Variants in RPS6KC1 observed in about 807,000 individuals in gnomAD.
RPS6KC1 encodes the protein ribosomal protein S6 kinase C1, also known as inactive ribosomal protein S6 kinase delta-1.
In RPS6KC1, 54 loss-of-function variants were observed where a neutral mutation model predicts 103.8. The observed-to-expected ratio is 0.52, with a 90% CI of 0.42 to 0.65. The LOEUF (loss-of-function observed/expected upper bound fraction) is 0.65, where lower values mean the gene tolerates loss of function less well. Ranked by LOEUF, RPS6KC1 falls within the 30% of genes least tolerant of loss-of-function variation. The pLI is 0.00. For missense variants in RPS6KC1, 1,151 were observed against 1,253.8 expected (o/e 0.92, Z 1.24); for synonymous variants, 439 against 438.7 (o/e 1.00, Z -0.01).
At chr1:213,451,178 T>G in the RPS6KC1 span, among the ~76,000 whole-genome samples, 1 of 152,208 alleles carries the variant, frequency 6.6e-6, no homozygotes, top group Non-Finnish European at 1.5e-5. Flanking sequence ...AGAAAACAGT[T>G]GTCACATTTC....
the RPS6KC1 span, among the ~76,000 whole-genome samples, chr1:213,721,689 C>T: frequency 6.6e-6 from 1 of 152,198 alleles, no homozygotes; most frequent in Admixed American, 6.5e-5. Flanking sequence ...TAGCTCAGGG[C>T]ATCTTAAAAT....
At chr1:213,631,857 G>A in the RPS6KC1 span, among the ~76,000 whole-genome samples, 1 of 152,120 alleles carries the variant, frequency 6.6e-6, no homozygotes, top group African/African-American at 2.4e-5. Flanking sequence ...AAAATTAGCT[G>A]TTTTCTTTTT....
At chr1:213,289,976 T>C in the RPS6KC1 span, among the ~76,000 whole-genome samples, 1 of 151,396 alleles carries the variant, frequency 6.6e-6, no homozygotes, top group Non-Finnish European at 1.5e-5. Flanking sequence ...GAGGCAGAGG[T>C]TGCAGTGAGC....
At chr1:213,076,262 A>G (rs2079326059) in intron 2 of RPS6KC1, among the ~76,000 whole-genome samples, 1 of 152,234 alleles carries the variant, frequency 6.6e-6, no homozygotes, top group South Asian at 2.1e-4. Flanking sequence ...CTAGCCTCCT[A>G]GGATTATAAC....
At chr1:213,682,377 G>A in the RPS6KC1 span, among the ~76,000 whole-genome samples, 421 of 152,296 alleles carry the variant, frequency 2.8e-3, 2 homozygotes, top group Middle Eastern at 0.017. Flanking sequence ...CATTCATGGA[G>A]AATGCATACG....
At chr1:213,763,231 A>G in the RPS6KC1 span, among the ~76,000 whole-genome samples, 1 of 152,228 alleles carries the variant, frequency 6.6e-6, no homozygotes, top group Middle Eastern at 3.4e-3. Context: ...TGTACTGACC[A>G]GGTCAGCCCA....
At chr1:213,328,497 C>T in the RPS6KC1 span, among the ~76,000 whole-genome samples, 1 of 80,214 alleles carries the variant, frequency 1.2e-5, no homozygotes, top group Admixed American at 1.5e-4. Flanking sequence ...GGGAGTCAGC[C>T]ATTATACTAT....
At chr1:213,669,795 C>T in the RPS6KC1 span, among the ~76,000 whole-genome samples, 8 of 152,216 alleles carry the variant, frequency 5.3e-5, no homozygotes, top group South Asian at 1.0e-3. Context: ...AGATTCCGAC[C>T]GCTGATACAT....
the RPS6KC1 span, among the ~76,000 whole-genome samples, chr1:213,766,284 G>A: frequency 6.6e-6 from 1 of 152,146 alleles, no homozygotes. Context: ...CCAGAAGAAG[G>A]CAAAACTAAG....
chr1:213,256,874 A>C (rs1442725628), intron 12 of RPS6KC1, among the ~76,000 whole-genome samples: 1 of 152,192 alleles, frequency 6.6e-6, no homozygotes, highest in Non-Finnish European at 1.5e-5. Flanking sequence ...TGTCTGTCTT[A>C]TGAAGTGCCT....
At chr1:213,206,895 G>A (rs555867555) in intron 8 of RPS6KC1, among the ~76,000 whole-genome samples, 5 of 152,128 alleles carry the variant, frequency 3.3e-5, no homozygotes, top group African/African-American at 7.2e-5. Flanking sequence ...GGCGGATCAC[G>A]AGGTCAGGAG....
intron 3 of RPS6KC1, among the ~76,000 whole-genome samples, chr1:213,086,574 A>G (rs921677331): frequency 4.6e-5 from 7 of 152,176 alleles, no homozygotes; most frequent in African/African-American, 1.7e-4. Context: ...TCTTCTTAGT[A>G]GTTAATTCTG....
At chr1:213,096,887 T>C (rs919226223) in intron 3 of RPS6KC1, among the ~76,000 whole-genome samples, 1 of 152,122 alleles carries the variant, frequency 6.6e-6, no homozygotes, top group African/African-American at 2.4e-5. Flanking sequence ...TTATATATAT[T>C]ATATACACAC....
the RPS6KC1 span, among the ~76,000 whole-genome samples, chr1:213,522,158 A>C: frequency 6.6e-6 from 1 of 152,254 alleles, no homozygotes; most frequent in African/African-American, 2.4e-5. Flanking sequence ...TTGTGTTAGC[A>C]GACATGAAAA....
the RPS6KC1 span, among the ~76,000 whole-genome samples, chr1:213,428,219 C>T: frequency 1.3e-5 from 2 of 152,212 alleles, no homozygotes; most frequent in African/African-American, 4.8e-5. Flanking sequence ...ACCTGTCAAA[C>T]AGCTGCCTGG....
chr1:213,804,236 T>C, the RPS6KC1 span, among the ~76,000 whole-genome samples: 2 of 139,410 alleles, frequency 1.4e-5, no homozygotes, highest in Non-Finnish European at 1.5e-5. Context: ...GGACCAATGC[T>C]CCAGAGAACA....
chr1:213,053,278 A>G (rs1469429262), intron 1 of RPS6KC1, among the ~76,000 whole-genome samples: 1 of 152,206 alleles, frequency 6.6e-6, no homozygotes. Flanking sequence ...ATATTGTATT[A>G]ATTTAGTTGC....
the RPS6KC1 span, among the ~76,000 whole-genome samples, chr1:213,794,949 C>A: frequency 5.3e-4 from 81 of 152,298 alleles, no homozygotes; most frequent in Non-Finnish European, 9.6e-4. Context: ...ACGTCTAGGT[C>A]AGACTTGAAT....
the RPS6KC1 span, among the ~76,000 whole-genome samples, chr1:213,769,743 A>G: frequency 6.6e-6 from 1 of 152,160 alleles, no homozygotes; most frequent in Non-Finnish European, 1.5e-5. Flanking sequence ...AATGACAGGC[A>G]CTCAGCAGTG....
Sources: allele counts gnomAD v4.1 joint callset (sites outside exome capture counted in the v4.1 genomes callset), GRCh38; gene constraint gnomAD v4.1.1; transcripts MANE v1.5; gene names NCBI Gene and HGNC (gene_info 2026-07-23, HGNC 2026-07-21).